CA10: variants seen among roughly 807,000 people sequenced by gnomAD.
The protein encoded by CA10 is carbonic anhydrase-related protein 10.
A neutral mutation model predicts 44.2 loss-of-function variants in CA10; 14 were observed. That is an observed-to-expected ratio of 0.32 (90% CI 0.21 to 0.50). CA10 has a LOEUF of 0.50. Among genes scored for constraint, CA10 ranks in the 20% least tolerant of loss-of-function variants. CA10 has a pLI of 0.99. For synonymous variants in CA10, 159 were observed against 141.6 expected (o/e 1.12, Z -0.87); for missense variants, 350 against 409.7 (o/e 0.85, Z 1.26).
At chr17:52,031,331 G>A (rs764898694) in intron 2 of CA10, among the ~76,000 whole-genome samples, 1 of 151,942 alleles carries the variant, frequency 6.6e-6, no homozygotes, top group Non-Finnish European at 1.5e-5. Flanking sequence ...TGTATTTTTA[G>A]TAGAGATGGG....
chr17:51,649,326 C>T, intron 5 of CA10, 72 bp from the exon 6 acceptor site: 1 of 1,090,936 alleles, frequency 9.2e-7, no homozygotes, highest in East Asian at 2.4e-5. Context: ...GTGACATTCA[C>T]TTATTCATTC....
chr17:51,834,246 C>T (rs1908392550), intron 3 of CA10, among the ~76,000 whole-genome samples: 2 of 152,164 alleles, frequency 1.3e-5, no homozygotes, highest in South Asian at 4.1e-4. Context: ...TAATGCATAT[C>T]CTTTCCCTTT....
chr17:52,067,943 G>A (rs973459350), intron 2 of CA10, among the ~76,000 whole-genome samples: 4 of 152,186 alleles, frequency 2.6e-5, no homozygotes, highest in Non-Finnish European at 5.9e-5. Context: ...GGCAGAAGGG[G>A]CTGGCCTTGT....
chr17:51,872,304 T>C (rs539445393), intron 3 of CA10, among the ~76,000 whole-genome samples: 2 of 152,334 alleles, frequency 1.3e-5, no homozygotes, highest in South Asian at 4.1e-4. Context: ...CACCTACCTG[T>C]GATAAGGGCC....
intron 4 of CA10, among the ~76,000 whole-genome samples, chr17:51,691,561 A>C (rs1747782594): frequency 6.6e-6 from 1 of 151,762 alleles, no homozygotes; most frequent in African/African-American, 2.4e-5. Flanking sequence ...GCTGCATAAA[A>C]GGTTTTCAGT....
chr17:51,766,012 A>G (rs1003848554), intron 3 of CA10, among the ~76,000 whole-genome samples: 7 of 152,174 alleles, frequency 4.6e-5, no homozygotes, highest in African/African-American at 1.7e-4. Context: ...ATTCAAAAAC[A>G]GGAATGCCGG....
chr17:51,971,551 T>C (rs781415542), intron 2 of CA10, among the ~76,000 whole-genome samples: 2 of 152,096 alleles, frequency 1.3e-5, no homozygotes, highest in Non-Finnish European at 2.9e-5. Flanking sequence ...TAGAAAATTA[T>C]TACTTGCTTA....
intron 4 of CA10, among the ~76,000 whole-genome samples, chr17:51,701,465 A>G (rs905402866): frequency 3.3e-5 from 5 of 151,682 alleles, no homozygotes; most frequent in African/African-American, 7.3e-5. Flanking sequence ...AGTTCAACCC[A>G]TAACACTCTC....
intron 2 of CA10, among the ~76,000 whole-genome samples, chr17:52,020,099 T>C (rs941705661): frequency 1.3e-5 from 2 of 152,014 alleles, no homozygotes; most frequent in Non-Finnish European, 2.9e-5. Context: ...AATACAAATT[T>C]AGAACTGTTA....
chr17:51,882,397 C>G (rs1175278054), intron 3 of CA10, among the ~76,000 whole-genome samples: 2 of 152,112 alleles, frequency 1.3e-5, no homozygotes, highest in Non-Finnish European at 2.9e-5. Context: ...TTGCCTATCC[C>G]CAGAATTGTC....
chr17:51,833,001 A>C (rs1908338903), intron 3 of CA10, among the ~76,000 whole-genome samples: 1 of 152,064 alleles, frequency 6.6e-6, no homozygotes. Context: ...ATTCTATGAG[A>C]GCTACAGGCA....
chr17:52,086,839 G>A (rs1988128366), intron 1 of CA10, among the ~76,000 whole-genome samples: 1 of 152,164 alleles, frequency 6.6e-6, no homozygotes, highest in Non-Finnish European at 1.5e-5. Context: ...TAAATTATGT[G>A]ATCATCTCTA....
chr17:51,720,767 G>A (rs1916326409), intron 4 of CA10, among the ~76,000 whole-genome samples: 1 of 146,096 alleles, frequency 6.8e-6, no homozygotes, highest in Non-Finnish European at 1.5e-5. Context: ...GTGGAGAGAG[G>A]GAAGGAGAAA....
chr17:51,707,734 A>G (rs538859979), intron 4 of CA10, among the ~76,000 whole-genome samples: 2 of 144,714 alleles, frequency 1.4e-5, no homozygotes, highest in South Asian at 2.2e-4. Context: ...AATCAAGAAA[A>G]TGGAATCCCT....
chr17:52,117,553 T>A (rs1449909455), intron 1 of CA10, among the ~76,000 whole-genome samples: 1 of 152,186 alleles, frequency 6.6e-6, no homozygotes, highest in African/African-American at 2.4e-5. Flanking sequence ...TATATATGTG[T>A]TGTGTGTGAT....
rs540607112 is a variant in CA10, at chr17:51,687,280, C to T, written c.466-33544G>A. Among the ~76,000 whole-genome samples, 3 of 152,244 alleles carry T rather than the reference C, an allele frequency of 2.0e-5. No homozygotes were observed. In the East Asian group the frequency reaches 5.8e-4, roughly 29 times the overall value. On this transcript the variant is annotated intron_variant, in intron 4 of 8. Transcript: ENST00000451037. ...CTGGGTCTTGTCATTTAGATGACAC[C>T]ATAAAAATGTCTCCTTCTTAGATCA...
At chr17:51,871,701 C>CTTT (rs112702385) in intron 3 of CA10, among the ~76,000 whole-genome samples, 5 of 147,138 alleles carry the variant, frequency 3.4e-5, no homozygotes, top group South Asian at 2.2e-4. Context: ...CTTCTTTAAA[C>CTTT]TTTTTTTTTT....
intron 2 of CA10, among the ~76,000 whole-genome samples, chr17:51,967,527 T>A (rs1984127146): frequency 6.6e-6 from 1 of 151,790 alleles, no homozygotes; most frequent in Non-Finnish European, 1.5e-5. Flanking sequence ...ACTGATATCA[T>A]GTCCTCTGCA....
At chr17:52,099,425 T>C (rs969627090) in intron 1 of CA10, among the ~76,000 whole-genome samples, 3 of 152,236 alleles carry the variant, frequency 2.0e-5, no homozygotes, top group East Asian at 3.8e-4. Flanking sequence ...AGGTAGACTC[T>C]GTAAGGCTCC....
Sources: allele counts gnomAD v4.1 joint callset (sites outside exome capture counted in the v4.1 genomes callset), GRCh38; gene constraint gnomAD v4.1.1; transcripts MANE v1.5; gene names NCBI Gene and HGNC (gene_info 2026-07-23, HGNC 2026-07-21).